Variants in PATJ observed in about 807,000 individuals in gnomAD.
The protein encoded by PATJ is inaD-like protein.
A neutral mutation model predicts 224.9 loss-of-function variants in PATJ; 190 were observed. That is an observed-to-expected ratio of 0.84 (90% CI 0.75 to 0.95). The LOEUF (loss-of-function observed/expected upper bound fraction) is 0.95, where lower values mean the gene tolerates loss of function less well. PATJ is among the 40% of genes least tolerant of loss of function. PATJ has a pLI of 0.00. For synonymous variants in PATJ, 769 were observed against 820.3 expected, an observed-to-expected ratio of 0.94 and a Z score of 1.07; for missense variants, 2,121 against 2,270.3, an observed-to-expected ratio of 0.93 and a Z score of 1.34.
intron 10 of PATJ, among the ~76,000 whole-genome samples, chr1:61,795,771 T>C (rs960297555): frequency 1.3e-5 from 2 of 149,098 alleles, no homozygotes; most frequent in Non-Finnish European, 3.0e-5. Flanking sequence ...TCACTAAACA[T>C]ATTGGTAAAA....
At chr1:62,026,737 A>C (rs1486686794) in intron 29 of PATJ, among the ~76,000 whole-genome samples, 1 of 152,198 alleles carries the variant, frequency 6.6e-6, no homozygotes, top group Non-Finnish European at 1.5e-5. Flanking sequence ...TTTAAGTGAC[A>C]TTCTAAATAA....
At chr1:62,030,791 T>A (rs1204087297) in intron 29 of PATJ, among the ~76,000 whole-genome samples, 2 of 152,236 alleles carry the variant, frequency 1.3e-5, no homozygotes, top group African/African-American at 4.8e-5. Context: ...CTTTTGTGTC[T>A]GGTTTCTTTC....
At chr1:61,810,514 T>C (rs1034558746) in intron 14 of PATJ, among the ~76,000 whole-genome samples, 3 of 151,752 alleles carry the variant, frequency 2.0e-5, no homozygotes, top group African/African-American at 7.3e-5. Context: ...CTGGCCAACA[T>C]AGTGAAACCC....
intron 34 of PATJ, among the ~76,000 whole-genome samples, chr1:62,111,759 CA>C (rs1663846320): frequency 6.6e-6 from 1 of 150,682 alleles, no homozygotes; most frequent in South Asian, 2.1e-4. Context: ...CTCCCAGGTT[CA>C]AGCAATTCTC....
chr1:61,797,666 A>G (rs1301555291), intron 11 of PATJ, among the ~76,000 whole-genome samples: 1 of 152,220 alleles, frequency 6.6e-6, no homozygotes, highest in Non-Finnish European at 1.5e-5. Context: ...GCATCTCTAA[A>G]TGGAGTTGAA....
intron 27 of PATJ, among the ~76,000 whole-genome samples, chr1:61,953,038 G>C (rs546073649): frequency 2.0e-5 from 3 of 152,110 alleles, no homozygotes; most frequent in African/African-American, 7.2e-5. Context: ...TTCGTTAGGG[G>C]TGGGGGCTCA....
intron 20 of PATJ, among the ~76,000 whole-genome samples, chr1:61,872,616 C>T (rs1287428855): frequency 6.6e-6 from 1 of 152,204 alleles, no homozygotes; most frequent in Non-Finnish European, 1.5e-5. Context: ...ACTCATTGTG[C>T]AGCCTTTGCT....
rs1658478623 is a variant in PATJ, at chr1:61,827,461, G to A, written c.1858G>A (p.Ala620Thr). 6.2e-7 allele frequency: 1 copy of A among 1,614,006 alleles called. No individual in the cohort carries two copies. Among genetic ancestry groups the A allele is most frequent in the Admixed American group, 1.7e-5 (1 of 59,996 alleles). The change falls in exon 16 of 44, where the codon GCA becomes ACA. Residue 620 changes from alanine (A) to threonine (T), a missense_variant. Transcript: ENST00000642238. ...MQLYGKSRRE[A>T]VSFLKEVPPP... is the part of the protein sequence containing the mutation. ...GCTTTATGGAAAATCTCGCCGAGAA[G>A]CAGTCTCCTTTCTTAAAGAAGTGCC...
At chr1:61,861,766 T>C in intron 19 of PATJ, 99 bp downstream of exon 19, 1 of 559,494 alleles carries the variant, frequency 1.8e-6, no homozygotes. Flanking sequence ...CTTGTCCTTA[T>C]CCTTTGGCTA....
chr1:61,951,643 T>A (rs551407301), intron 27 of PATJ, among the ~76,000 whole-genome samples: 7 of 152,126 alleles, frequency 4.6e-5, no homozygotes, highest in Non-Finnish European at 1.5e-5. Flanking sequence ...ATTTTTTTTT[T>A]ATATTTTTCC....
intron 28 of PATJ, among the ~76,000 whole-genome samples, chr1:62,010,078 CAAA>C (rs34658070): frequency 3.6e-5 from 3 of 84,256 alleles, no homozygotes; most frequent in Admixed American, 1.5e-4. Context: ...GACTCCATCT[CAAA>C]AAAAAAAAAA....
intron 26 of PATJ, among the ~76,000 whole-genome samples, chr1:61,923,948 A>C (rs999722158): frequency 3.3e-5 from 5 of 151,900 alleles, no homozygotes; most frequent in African/African-American, 9.7e-5. Flanking sequence ...AAAGTGACTA[A>C]AAACAAACGA....
intron 33 of PATJ, among the ~76,000 whole-genome samples, chr1:62,101,245 G>GTTTGT (rs1662118448): frequency 6.8e-6 from 1 of 146,388 alleles, no homozygotes; most frequent in South Asian, 2.2e-4. Context: ...TAACACAGTA[G>GTTTGT]TTTCTTTTCT....
intron 27 of PATJ, among the ~76,000 whole-genome samples, chr1:61,936,826 CCTCCTTTCAA>C (rs1286836566): frequency 2.6e-5 from 4 of 152,116 alleles, no homozygotes; most frequent in Non-Finnish European, 5.9e-5. Context: ...CCCACGTCGG[CCTCCTTTCAA>C]AGTGATGGGA....
At chr1:62,055,598 G>T (rs1654406076) in intron 31 of PATJ, among the ~76,000 whole-genome samples, 1 of 152,222 alleles carries the variant, frequency 6.6e-6, no homozygotes. Context: ...TGTAGTCACT[G>T]TCAAAGAGTG....
At chr1:62,025,378 C>T (rs1265654393) in intron 29 of PATJ, among the ~76,000 whole-genome samples, 2 of 152,122 alleles carry the variant, frequency 1.3e-5, no homozygotes, top group African/African-American at 4.8e-5. Flanking sequence ...AGGATTTGTC[C>T]CAGTTTGTCC....
intron 7 of PATJ, among the ~76,000 whole-genome samples, chr1:61,781,509 A>G (rs1225941542): frequency 6.6e-6 from 1 of 152,240 alleles, no homozygotes; most frequent in Non-Finnish European, 1.5e-5. Flanking sequence ...GCCCTAGGCT[A>G]TGGCACAAGA....
At chr1:62,069,756 T>C (rs532464402) in intron 31 of PATJ, among the ~76,000 whole-genome samples, 18 of 152,338 alleles carry the variant, frequency 1.2e-4, no homozygotes, top group Non-Finnish European at 2.5e-4. Context: ...ACTAGGTCTG[T>C]AAATGTGCTC....
chr1:61,826,508 G>C (rs1009287375), intron 15 of PATJ, among the ~76,000 whole-genome samples: 1 of 152,178 alleles, frequency 6.6e-6, no homozygotes, highest in African/African-American at 2.4e-5. Context: ...AGCTTTTTGG[G>C]AGTAGCAGAC....
Sources: gnomAD v4.1 joint callset for allele counts (sites outside exome capture counted in the v4.1 genomes callset) on GRCh38, gnomAD v4.1.1 for gene constraint, MANE v1.5 for transcripts, NCBI Gene and HGNC (gene_info 2026-07-23, HGNC 2026-07-21) for gene names.